The following FGF12 variants were observed in gnomAD, a reference collection of about 807,000 sequenced individuals.
FGF12 encodes the protein fibroblast growth factor 12.
A neutral mutation model predicts 23.6 loss-of-function variants in FGF12; 14 were observed. The observed-to-expected ratio is 0.59, with a 90% confidence interval of 0.39 to 0.93. The LOEUF (loss-of-function observed/expected upper bound fraction) is 0.93. FGF12 is among the 40% of genes least tolerant of loss of function. The pLI is 0.00. For synonymous variants in FGF12, 62 were observed against 77.3 expected, an observed-to-expected ratio of 0.80 and a Z score of 1.04; for missense variants, 175 against 217.8, an observed-to-expected ratio of 0.80 and a Z score of 1.24.
chr3:192,492,387 C>T (rs1577016089), intron 2 of FGF12, among the ~76,000 whole-genome samples: 1 of 152,090 alleles, frequency 6.6e-6, no homozygotes, highest in East Asian at 1.9e-4. Flanking sequence ...TACACACACA[C>T]ACGCAAAGGT....
chr3:192,471,706 T>A (rs962524592), intron 2 of FGF12, among the ~76,000 whole-genome samples: 10 of 152,216 alleles, frequency 6.6e-5, no homozygotes, highest in African/African-American at 2.4e-4. Context: ...CAAAGTGAGC[T>A]GGGATATTCT....
intron 2 of FGF12, among the ~76,000 whole-genome samples, chr3:192,484,867 A>C (rs1360478388): frequency 6.6e-6 from 1 of 152,212 alleles, no homozygotes; most frequent in African/African-American, 2.4e-5. Flanking sequence ...GTTCAAAGAC[A>C]ACAATGCATT....
At chr3:192,646,474 A>G (rs1209345582) in intron 2 of FGF12, among the ~76,000 whole-genome samples, 2 of 152,128 alleles carry the variant, frequency 1.3e-5, no homozygotes, top group African/African-American at 4.8e-5. Flanking sequence ...GAAACTAAAG[A>G]ACTCATGGAA....
At chr3:192,692,971 G>GAAAAAAAAAAAAAA (rs1717993897) in intron 2 of FGF12, among the ~76,000 whole-genome samples, 1 of 143,988 alleles carries the variant, frequency 6.9e-6, no homozygotes, top group Non-Finnish European at 1.5e-5. Context: ...AGAATAACCA[G>GAAAAAAAAAAAAAA]AAAAGAAAAA....
chr3:192,389,226 G>A (rs1411601271), intron 2 of FGF12, among the ~76,000 whole-genome samples: 2 of 152,120 alleles, frequency 1.3e-5, no homozygotes, highest in Admixed American at 6.5e-5. Context: ...CAGGCATGGT[G>A]GCACATGCCT....
chr3:192,644,138 A>T (rs1376775986), intron 2 of FGF12, among the ~76,000 whole-genome samples: 1 of 152,022 alleles, frequency 6.6e-6, no homozygotes, highest in African/African-American at 2.4e-5. Flanking sequence ...TTCCCTAACA[A>T]TTTTTTTTAG....
intron 4 of FGF12, among the ~76,000 whole-genome samples, chr3:192,288,075 T>C (rs1045446335): frequency 4.0e-5 from 6 of 148,568 alleles, no homozygotes; most frequent in Non-Finnish European, 9.0e-5. Flanking sequence ...ATAAAAAAAA[T>C]CTTCCAAAAG....
At chr3:192,503,111 T>C (rs180878597) in intron 2 of FGF12, among the ~76,000 whole-genome samples, 2 of 151,096 alleles carry the variant, frequency 1.3e-5, no homozygotes, top group African/African-American at 5.0e-5. Context: ...TTGTGGAATG[T>C]ATAAATACTT....
chr3:192,687,164 C>CA (rs558366691), intron 2 of FGF12, among the ~76,000 whole-genome samples: 1,108 of 105,384 alleles, frequency 0.011, 7 homozygotes, highest in Middle Eastern at 0.049. Flanking sequence ...TCTCTCACAT[C>CA]AAAAAAAAAA....
intron 4 of FGF12, among the ~76,000 whole-genome samples, chr3:192,292,224 A>G (rs1714794528): frequency 6.6e-6 from 1 of 152,220 alleles, no homozygotes; most frequent in African/African-American, 2.4e-5. Context: ...CTATTGACAA[A>G]TCACGTGGTT....
intron 2 of FGF12, among the ~76,000 whole-genome samples, chr3:192,715,551 A>G (rs1718840479): frequency 6.6e-6 from 1 of 152,198 alleles, no homozygotes; most frequent in South Asian, 2.1e-4. Context: ...CCTAGATGTC[A>G]AATTCCTCTC....
intron 5 of FGF12, among the ~76,000 whole-genome samples, chr3:192,165,186 C>T (rs1198321484): frequency 1.3e-5 from 2 of 151,888 alleles, no homozygotes; most frequent in Non-Finnish European, 2.9e-5. Flanking sequence ...AACTCCTGGC[C>T]TCAAGTGATT....
At chr3:192,424,709 G>A (rs1332667185) in intron 2 of FGF12, among the ~76,000 whole-genome samples, 1 of 152,074 alleles carries the variant, frequency 6.6e-6, no homozygotes, top group African/African-American at 2.4e-5. Flanking sequence ...GCCACAGGAG[G>A]AGAGTCTATA....
chr3:192,299,270 T>C (rs934727156), intron 4 of FGF12, among the ~76,000 whole-genome samples: 3 of 152,170 alleles, frequency 2.0e-5, no homozygotes, highest in Non-Finnish European at 4.4e-5. Context: ...TTGGAGAAAT[T>C]TGTAGCTGAA....
chr3:192,630,554 A>ATT (rs10695787), intron 2 of FGF12, among the ~76,000 whole-genome samples: 84,336 of 140,056 alleles, frequency 0.6, 25,783 homozygotes, highest in Non-Finnish European at 0.65. Flanking sequence ...AAAAAATTCA[A>ATT]TTTTTTTTTT....
At chr3:192,673,789 T>A (rs192709079) in intron 2 of FGF12, among the ~76,000 whole-genome samples, 1 of 151,346 alleles carries the variant, frequency 6.6e-6, no homozygotes, top group Non-Finnish European at 1.5e-5. Context: ...CAGTCTATCA[T>A]TAATGGGCAT....
At position 192,289,881 on chromosome 3, in the gene FGF12, C is replaced by T. The variant is rs374023754; in HGVS notation, c.228+45480G>A. On this transcript the variant is annotated intron_variant, in intron 4 of 5. Transcript: ENST00000445105. ...AGTTATAATAATTTATTTTATAACA[C>T]AGCTGACAGTGCCTCATTCAACCTT... is the stretch of plus-strand genomic sequence containing the variant. Among the ~76,000 whole-genome samples the T allele has an allele frequency of 5.3e-5, 8 of 152,252 alleles. 1 individual carries two copies. The East Asian group carries it at 1.4e-3, about 26-fold the overall frequency.
At chr3:192,501,061 A>G (rs187485436) in intron 2 of FGF12, among the ~76,000 whole-genome samples, 1 of 152,334 alleles carries the variant, frequency 6.6e-6, no homozygotes. Context: ...CACAAATTTG[A>G]GTGAAAAATA....
At chr3:192,504,851 T>C (rs1379282404) in intron 2 of FGF12, among the ~76,000 whole-genome samples, 2 of 152,150 alleles carry the variant, frequency 1.3e-5, no homozygotes, top group Non-Finnish European at 2.9e-5. Flanking sequence ...AAGTTCCATT[T>C]TGATCTTCTC....
Sources: gnomAD v4.1 joint callset for allele counts (sites outside exome capture counted in the v4.1 genomes callset) on GRCh38, gnomAD v4.1.1 for gene constraint, MANE v1.5 for transcripts, NCBI Gene and HGNC (gene_info 2026-07-23, HGNC 2026-07-21) for gene names.